RPTOR: variants seen among roughly 807,000 people sequenced by gnomAD.
RPTOR encodes the protein regulatory-associated protein of mTOR.
RPTOR carries 21 observed loss-of-function variants against 169.9 expected under a neutral mutation model. The ratio of observed to expected loss-of-function variants is 0.12; its 90% CI spans 0.09 to 0.18. The LOEUF is 0.18. Ranked by LOEUF, RPTOR falls within the 10% of genes least tolerant of loss-of-function variation. RPTOR has a pLI of 1.00. For missense variants in RPTOR, 1,133 were observed against 1,855.9 expected (o/e 0.61, Z 7.16); for synonymous variants, 732 against 753.2 (o/e 0.97, Z 0.46).
rs1398268082 is a variant in RPTOR, at chr17:80,820,735, G to A, written c.891-1466G>A. Among the ~76,000 whole-genome samples, 19 of 152,174 alleles carry A rather than the reference G, an allele frequency of 1.2e-4. No homozygotes were observed. Among genetic ancestry groups the A allele is most frequent in the East Asian group, 3.9e-4 (2 of 5,184 alleles). Reference sequence around the variant, plus strand: ...GGGGAGAAGGAGGAGGGGCTGAGACGAGTCTCTGCTGTCCTTGTGCCGTGT... The same window carrying A: ...GGGGAGAAGGAGGAGGGGCTGAGACAAGTCTCTGCTGTCCTTGTGCCGTGT... On this transcript the variant is annotated intron_variant, in intron 7 of 33. Transcript: ENST00000306801. The surrounding 1 kb of genome is among the most constrained non-coding windows in gnomAD (Gnocchi z 4.1).
At chr17:80,919,995 C>G (rs565340212) in intron 21 of RPTOR, among the ~76,000 whole-genome samples, 2 of 152,254 alleles carry the variant, frequency 1.3e-5, no homozygotes, top group Non-Finnish European at 2.9e-5. Flanking sequence ...GGGCCGCACT[C>G]AGCCCTCCAG....
At chr17:80,870,623 C>T (rs960425651) in intron 13 of RPTOR, among the ~76,000 whole-genome samples, 8 of 152,236 alleles carry the variant, frequency 5.3e-5, no homozygotes, top group African/African-American at 1.9e-4. Context: ...CCATCTAGAG[C>T]GTGTGACCCT....
intron 1 of RPTOR, among the ~76,000 whole-genome samples, chr17:80,549,228 A>G (rs759135625): frequency 4.6e-5 from 7 of 151,916 alleles, no homozygotes; most frequent in Non-Finnish European, 1.0e-4. Context: ...TAATTCTACT[A>G]TGTATAGTGA....
intron 3 of RPTOR, among the ~76,000 whole-genome samples, chr17:80,674,744 C>T (rs890782819): frequency 3.1e-5 from 4 of 127,682 alleles, no homozygotes; most frequent in East Asian, 2.5e-4. Flanking sequence ...GCCGAGATAG[C>T]GCCACTGCAC....
chr17:80,720,284 A>G (rs995492998), intron 4 of RPTOR, among the ~76,000 whole-genome samples: 2 of 151,998 alleles, frequency 1.3e-5, no homozygotes, highest in Non-Finnish European at 2.9e-5. Flanking sequence ...ACAACAAGAG[A>G]GAAACTGTCT....
intron 20 of RPTOR, among the ~76,000 whole-genome samples, chr17:80,908,136 C>T (rs2068567619): frequency 1.3e-5 from 2 of 152,224 alleles, no homozygotes; most frequent in African/African-American, 4.8e-5. Flanking sequence ...CGCTTCCCTC[C>T]ATGCCCACGA....
At chr17:80,910,573 T>A (rs1241319135) in intron 21 of RPTOR, among the ~76,000 whole-genome samples, 1 of 152,182 alleles carries the variant, frequency 6.6e-6, no homozygotes, top group African/African-American at 2.4e-5. Context: ...TATCACTCAG[T>A]GCCAGGGTCT....
At chr17:80,626,813 T>TTATTATTA (rs1293186070) in intron 2 of RPTOR, among the ~76,000 whole-genome samples, 1 of 114,960 alleles carries the variant, frequency 8.7e-6, no homozygotes, top group Non-Finnish European at 1.9e-5. Flanking sequence ...TATTATTATT[T>TTATTATTA]TTCATTCTAG....
intron 13 of RPTOR, among the ~76,000 whole-genome samples, chr17:80,872,533 G>C (rs2068062619): frequency 6.6e-6 from 1 of 152,202 alleles, no homozygotes; most frequent in African/African-American, 2.4e-5. Context: ...CATGCACATT[G>C]GTGACAGGCC....
chr17:80,811,332 G>A (rs1240911555), intron 7 of RPTOR, among the ~76,000 whole-genome samples: 1 of 152,194 alleles, frequency 6.6e-6, no homozygotes, highest in African/African-American at 2.4e-5. Flanking sequence ...CTCTGTGTCT[G>A]TGGAGGGGAT....
rs201444435 is a variant in RPTOR, at chr17:80,813,160, C to CA, written c.891-9038dup. Among the ~76,000 whole-genome samples, 527 of 152,258 alleles carry CA rather than the reference C, an allele frequency of 3.5e-3. 2 individuals are homozygous for CA. The highest frequency in any genetic ancestry group is 0.012 in the African/African-American group (497 of 41,536). ...AAAATGGACTTTAATTATGATCACT[C>CA]AAAGTCTGTAAATGGCTATAATATT... is the stretch of plus-strand genomic sequence containing the variant. On this transcript the variant is annotated intron_variant, in intron 7 of 33. Coordinates refer to ENST00000306801, the MANE Select transcript of RPTOR (RefSeq NM_020761.3).
At chr17:80,796,578 C>T (rs1228314831) in intron 7 of RPTOR, among the ~76,000 whole-genome samples, 2 of 152,330 alleles carry the variant, frequency 1.3e-5, no homozygotes, top group Non-Finnish European at 2.9e-5. Context: ...AGTCACCTCC[C>T]ACCAGGTCCC....
chr17:80,944,146 C>G (rs952318200), intron 25 of RPTOR, among the ~76,000 whole-genome samples: 1 of 152,194 alleles, frequency 6.6e-6, no homozygotes, highest in Non-Finnish European at 1.5e-5. Flanking sequence ...TCCTAGTGCT[C>G]GTGTTTGGGG....
intron 4 of RPTOR, among the ~76,000 whole-genome samples, chr17:80,712,442 C>G (rs1050178586): frequency 3.9e-5 from 6 of 152,136 alleles, no homozygotes; most frequent in Non-Finnish European, 8.8e-5. Flanking sequence ...TTCAGACAGG[C>G]TTCTCTGACT....
chr17:80,671,465 C>T (rs1418678296), intron 3 of RPTOR, among the ~76,000 whole-genome samples: 2 of 152,144 alleles, frequency 1.3e-5, no homozygotes, highest in African/African-American at 4.8e-5. Context: ...TCTATTTGCC[C>T]TCTCTGTCAA....
chr17:80,705,953 C>T (rs187641605), intron 3 of RPTOR, among the ~76,000 whole-genome samples: 7 of 152,242 alleles, frequency 4.6e-5, no homozygotes, highest in Non-Finnish European at 8.8e-5. Flanking sequence ...CTGGGCACAG[C>T]GGGAGCCCAG....
At chr17:80,748,518 T>A (rs2066600141) in intron 5 of RPTOR, among the ~76,000 whole-genome samples, 1 of 109,034 alleles carries the variant, frequency 9.2e-6, no homozygotes, top group Non-Finnish European at 1.9e-5. Flanking sequence ...GACTGCGGTG[T>A]GTGTTTAGAG....
At chr17:80,676,215 G>A (rs2065860449) in intron 3 of RPTOR, among the ~76,000 whole-genome samples, 1 of 152,214 alleles carries the variant, frequency 6.6e-6, no homozygotes, top group Non-Finnish European at 1.5e-5. Flanking sequence ...TCCTACTGCT[G>A]CTTTATCGAT....
intron 1 of RPTOR, among the ~76,000 whole-genome samples, chr17:80,606,669 CA>C (rs1164858543): frequency 2.0e-5 from 3 of 152,064 alleles, no homozygotes; most frequent in African/African-American, 4.8e-5. Flanking sequence ...AATCATTTGT[CA>C]GGGGCAAATT....
Sources: gnomAD v4.1 joint callset for allele counts (sites outside exome capture counted in the v4.1 genomes callset) on GRCh38, gnomAD v4.1.1 for gene constraint, Gnocchi (gnomAD v3.1) non-coding constraint, MANE v1.5 for transcripts, NCBI Gene and HGNC (gene_info 2026-07-23, HGNC 2026-07-21) for gene names.